NXPH1: variants seen among roughly 807,000 people sequenced by gnomAD.
NXPH1 encodes the protein neurexophilin 1.
Under a neutral mutation model 23.7 loss-of-function variants are expected in NXPH1, and 5 were observed. The ratio of observed to expected loss-of-function variants is 0.21; its 90% CI spans 0.11 to 0.44. The LOEUF (loss-of-function observed/expected upper bound fraction) is 0.44. Ranked by LOEUF, NXPH1 falls within the 20% of genes least tolerant of loss-of-function variation. The pLI, the probability that NXPH1 is intolerant of heterozygous loss-of-function variation, is 0.99. For missense variants in NXPH1, 324 were observed against 321.6 expected (o/e 1.01, Z -0.06); for synonymous variants, 144 against 122.2 (o/e 1.18, Z -1.18).
intron 2 of NXPH1, among the ~76,000 whole-genome samples, chr7:8,637,246 A>G (rs1420571672): frequency 6.8e-6 from 1 of 146,694 alleles, no homozygotes; most frequent in Non-Finnish European, 1.5e-5. Flanking sequence ...TTTGAGAGAG[A>G]GGGCCTGGCT....
chr7:8,525,965 GAA>G (rs1345127545), intron 2 of NXPH1, among the ~76,000 whole-genome samples: 1 of 150,440 alleles, frequency 6.6e-6, no homozygotes, highest in African/African-American at 2.5e-5. Context: ...GGAGGTGTGA[GAA>G]GAGGGCCACT....
intron 2 of NXPH1, among the ~76,000 whole-genome samples, chr7:8,726,905 C>T (rs1358224405): frequency 4.6e-5 from 7 of 151,948 alleles, no homozygotes; most frequent in East Asian, 2.0e-4. Flanking sequence ...CCTGAGGAAT[C>T]GCCACACTGA....
chr7:8,721,541 C>T (rs150871670), intron 2 of NXPH1, among the ~76,000 whole-genome samples: 8,587 of 152,080 alleles, frequency 0.056, 287 homozygotes, highest in East Asian at 0.13. Context: ...TTTGGGAGGC[C>T]GAGGTGGGTG....
At chr7:8,660,428 G>T (rs4720788) in intron 2 of NXPH1, among the ~76,000 whole-genome samples, 1 of 150,974 alleles carries the variant, frequency 6.6e-6, no homozygotes, top group Admixed American at 6.6e-5. Flanking sequence ...CTAAGCAAAA[G>T]CATAGTATTT....
chr7:8,702,350 A>G (rs1779637522), intron 2 of NXPH1, among the ~76,000 whole-genome samples: 1 of 152,124 alleles, frequency 6.6e-6, no homozygotes, highest in African/African-American at 2.4e-5. Context: ...ATAAAATAAA[A>G]CTTAAAAAAA....
At chr7:8,444,973 T>C (rs991683182) in intron 2 of NXPH1, among the ~76,000 whole-genome samples, 3 of 152,238 alleles carry the variant, frequency 2.0e-5, no homozygotes. Flanking sequence ...TTCCTTGTGG[T>C]CAGAGACAGC....
intron 2 of NXPH1, among the ~76,000 whole-genome samples, chr7:8,695,536 C>CT (rs1821294834): frequency 2.0e-5 from 3 of 152,122 alleles, no homozygotes; most frequent in Non-Finnish European, 2.9e-5. Flanking sequence ...CATCATTAGC[C>CT]TTAACTACAT....
At chr7:8,469,537 T>C (rs545343855) in intron 2 of NXPH1, among the ~76,000 whole-genome samples, 1 of 152,174 alleles carries the variant, frequency 6.6e-6, no homozygotes, top group Admixed American at 6.5e-5. Context: ...CTCTCATCCT[T>C]TCATGAAACT....
chr7:8,530,961 T>C (rs1198971577), intron 2 of NXPH1, among the ~76,000 whole-genome samples: 5 of 152,204 alleles, frequency 3.3e-5, no homozygotes, highest in Admixed American at 1.3e-4. Context: ...ATTATCTCTT[T>C]TGCTTCAAAA....
At chr7:8,487,969 G>C (rs1817186591) in intron 2 of NXPH1, among the ~76,000 whole-genome samples, 1 of 152,076 alleles carries the variant, frequency 6.6e-6, no homozygotes, top group Admixed American at 6.6e-5. Flanking sequence ...ATTATAAAAG[G>C]CCATTACAAG....
chr7:8,564,901 A>C (rs1350994912), intron 2 of NXPH1, among the ~76,000 whole-genome samples: 1 of 151,852 alleles, frequency 6.6e-6, no homozygotes, highest in East Asian at 1.9e-4. Flanking sequence ...TTTATTCAAC[A>C]CTACAATGCC....
chr7:8,614,353 G>T (rs1211760872), intron 2 of NXPH1, among the ~76,000 whole-genome samples: 1 of 151,798 alleles, frequency 6.6e-6, no homozygotes, highest in African/African-American at 2.4e-5. Flanking sequence ...CTTCCAAAAG[G>T]TTGAACCAGT....
chr7:8,509,735 T>G lies in NXPH1; in HGVS notation c.54+73968T>G, dbSNP rs73232397. 6.8e-3 allele frequency among the ~76,000 whole-genome samples: 1,039 copies of G among 152,208 alleles called. 12 individuals are homozygous for G. The highest frequency in any genetic ancestry group is 0.024 in the African/African-American group (998 of 41,554). On this transcript the variant is annotated intron_variant, in intron 2 of 2. Transcript: ENST00000405863. ...GTGATCTGAGTTTCTTCCTGTGTTT[T>G]TCACTATGGGCTTCACTCACACCCA...
chr7:8,518,079 T>C (rs1817716506), intron 2 of NXPH1, among the ~76,000 whole-genome samples: 1 of 152,184 alleles, frequency 6.6e-6, no homozygotes, highest in Admixed American at 6.5e-5. Flanking sequence ...GAGGTATGCC[T>C]TCATCTAAAT....
intron 2 of NXPH1, among the ~76,000 whole-genome samples, chr7:8,746,392 C>G (rs1467569458): frequency 6.6e-6 from 1 of 152,206 alleles, no homozygotes; most frequent in Admixed American, 6.5e-5. Flanking sequence ...TCCAGAGAGG[C>G]TTCCTGACTG....
chr7:8,533,688 G>T (rs963980091), intron 2 of NXPH1, among the ~76,000 whole-genome samples: 5 of 152,086 alleles, frequency 3.3e-5, no homozygotes, highest in Non-Finnish European at 5.9e-5. Context: ...TAATCAGAAA[G>T]AAATTCTTTC....
intron 2 of NXPH1, among the ~76,000 whole-genome samples, chr7:8,677,873 C>T (rs187505006): frequency 2.2e-4 from 34 of 151,848 alleles, no homozygotes; most frequent in Admixed American, 1.5e-3. Flanking sequence ...TTTTTGTCAC[C>T]GAAGTAATTA....
intron 2 of NXPH1, among the ~76,000 whole-genome samples, chr7:8,733,201 C>T (rs1336933418): frequency 6.6e-6 from 1 of 152,190 alleles, no homozygotes; most frequent in Non-Finnish European, 1.5e-5. Context: ...CTGCAAAGGA[C>T]ATGAACTCAT....
intron 2 of NXPH1, among the ~76,000 whole-genome samples, chr7:8,700,610 G>A (rs7778028): frequency 0.16 from 24,406 of 152,118 alleles, 3,387 homozygotes; most frequent in African/African-American, 0.36. Flanking sequence ...AGAGTACAAT[G>A]TGGTCTTTCA....
Sources: allele counts gnomAD v4.1 joint callset (sites outside exome capture counted in the v4.1 genomes callset), GRCh38; gene constraint gnomAD v4.1.1; transcripts MANE v1.5; gene names NCBI Gene and HGNC (gene_info 2026-07-23, HGNC 2026-07-21).